Variants in CERS5 observed in about 807,000 individuals in gnomAD.
CERS5 encodes LAG1 homolog, ceramide synthase 5.
In CERS5, 37 loss-of-function variants were observed where a neutral mutation model predicts 58.9. That is an observed-to-expected ratio of 0.63 (90% CI 0.48 to 0.83). The LOEUF (loss-of-function observed/expected upper bound fraction) is 0.83. CERS5 is among the 40% of genes least tolerant of loss of function. CERS5 has a pLI of 0.00. For synonymous variants in CERS5, 147 were observed against 177.8 expected (o/e 0.83, Z 1.38); for missense variants, 398 against 489.3 (o/e 0.81, Z 1.76).
chr12:50,143,889 C>T, intron 2 of CERS5, 63 bp downstream of exon 2: 1 of 1,000,570 alleles, frequency 1.0e-6, no homozygotes, highest in Non-Finnish European at 1.6e-6. Context: ...GCTCTCTATC[C>T]TCCCCTGCCC....
At position 50,148,399 on chromosome 12, in the gene CERS5, C is replaced by T. The variant is rs867783851; in HGVS notation, c.198-4342G>A. ...CTGCTTGAGCTCAGGAGTTCAAGACCAGGCTGGCCAACATGGTGAAACCCC... is the reference window on the plus strand; with the variant it reads ...CTGCTTGAGCTCAGGAGTTCAAGACTAGGCTGGCCAACATGGTGAAACCCC... On this transcript the variant is annotated intron_variant, in intron 1 of 9. Transcript: ENST00000317551. 2.0e-5 allele frequency: 4 copies of T among 200,186 alleles called. No homozygotes were observed. The South Asian group carries it at 2.0e-4, about 10-fold the overall frequency. The allele number at this position is 200,186 out of a possible 1,614,324, so 12.4% of individuals were successfully genotyped here. A position where few individuals can be genotyped will look rare whatever the true frequency, so the allele number is the denominator to read the frequency against.
chr12:50,137,901 A>G, intron 5 of CERS5, 81 bp from the exon 6 acceptor site: 1 of 840,778 alleles, frequency 1.2e-6, no homozygotes, highest in South Asian at 1.4e-5. Context: ...GCCTTGGAGG[A>G]CCAATACCCC....
intron 1 of CERS5, chr12:50,144,583 A>G (rs1165828634): frequency 7.2e-6 from 3 of 416,598 alleles, no homozygotes; most frequent in Non-Finnish European, 8.6e-6. Flanking sequence ...CTTCCTGCAT[A>G]TAGATATCCT....
In CERS5 at chr12:50,143,973, C is replaced by A. The variant is rs199716391; in HGVS notation, c.282G>T (p.Lys94Asn). Residue 94 changes from lysine (K) to asparagine (N), a missense_variant, in exon 2 of 10, where the codon AAG (lysine) becomes AAT (asparagine). Transcript: ENST00000317551. ...TTACCTTGGTAATAGATATGAACAC[C>A]TTTTCAAGGATGGCATTGGGTTGGG... is the stretch of plus-strand genomic sequence containing the variant. ...YQAQPNAILEKVFISITKYPD... is the reference protein window; with the variant it reads ...YQAQPNAILENVFISITKYPD... 138 of 1,608,164 alleles carry A rather than the reference C, an allele frequency of 8.6e-5. No individual in the cohort carries two copies. Among genetic ancestry groups the A allele is most frequent in the Non-Finnish European group, 1.4e-5 (16 of 1,174,842 alleles).
chr12:50,153,788 C>T, intron 1 of CERS5: 1 of 322,968 alleles, frequency 3.1e-6, no homozygotes, highest in Non-Finnish European at 6.2e-6. Flanking sequence ...AACCCCATCT[C>T]CACTAAAAAT....
At chr12:50,165,652 A>C (rs1330724305) in intron 1 of CERS5, 1 of 177,598 alleles carries the variant, frequency 5.6e-6, no homozygotes, top group Non-Finnish European at 1.2e-5. Flanking sequence ...TTGAGTCAAA[A>C]ACAGTAGGCA....
In CERS5 at chr12:50,133,092, A is replaced by G. The variant is rs141952001; in HGVS notation, c.1029+1454T>C. On this transcript the variant is annotated intron_variant, in intron 9 of 9. Coordinates refer to ENST00000317551, the MANE Select transcript of CERS5 (RefSeq NM_147190.5). Reference sequence around the variant, plus strand: ...AGTCAGGAAAGAAAAGCAGGAGAGAACAGAGATGTCCAGTAGCTACAGCAA... The same window carrying G: ...AGTCAGGAAAGAAAAGCAGGAGAGAGCAGAGATGTCCAGTAGCTACAGCAA... The G allele has an allele frequency of 1.4e-5, 18 of 1,287,604 alleles. No individual in the cohort carries two copies. The East Asian group carries it at 8.9e-4, about 64-fold the overall frequency. 79.8% of individuals were successfully genotyped at this position (1,287,604 alleles called of 1,614,324 possible).
At position 50,143,193 on chromosome 12, in the gene CERS5, C is replaced by A; in HGVS notation, c.315G>T (p.Lys105Asn). 1.2e-6 allele frequency: 2 copies of A among 1,614,112 alleles called. No homozygotes were observed. The highest frequency in any genetic ancestry group is 2.2e-5 in the South Asian group (2 of 91,074). ...VFISITKYPDKKRLEGLSKQL... is the reference protein window; with the variant it reads ...VFISITKYPDNKRLEGLSKQL... ...GCTTTGACAGGCCCTCCAGCCTTTT[C>A]TTATCAGGATACTGTGAATGTATAA... The change falls in exon 3 of 10, where the codon AAG becomes AAT. Residue 105 changes from lysine to asparagine, a missense_variant. Lys to Asn is a moderately conservative substitution (Grantham distance 94, BLOSUM62 0). Transcript: ENST00000317551.
In CERS5 at chr12:50,130,464, T is replaced by G; in HGVS notation, c.*81A>C. ...TTGCAGTCTCCCAATCACAGAAGAG[T>G]AGATATGGGAAGGGCCAAGAGGAGT... is the stretch of plus-strand genomic sequence containing the variant. On this transcript the variant is annotated 3_prime_UTR_variant, in exon 10 of 10. Coordinates refer to ENST00000317551, the MANE Select transcript of CERS5 (RefSeq NM_147190.5). 1 of 1,283,798 alleles carries G rather than the reference T, an allele frequency of 7.8e-7. No individual in the cohort carries two copies. The highest frequency in any genetic ancestry group is 1.1e-6 in the Non-Finnish European group (1 of 948,346). 79.5% of individuals were successfully genotyped at this position (1,283,798 alleles called of 1,614,324 possible). A position where few individuals can be genotyped will look rare whatever the true frequency, so the allele number is the denominator to read the frequency against.
At chr12:50,133,251 C>G in intron 9 of CERS5, 1 of 1,078,096 alleles carries the variant, frequency 9.3e-7, no homozygotes, top group Admixed American at 4.2e-5. Flanking sequence ...AGAGCCCCTC[C>G]CACTTGGGAT....
In CERS5 at chr12:50,143,887, T is replaced by G. The variant is rs368058586; in HGVS notation, c.303+65A>C. On this transcript the variant is annotated intron_variant, in intron 2 of 9. Coordinates refer to ENST00000317551, the MANE Select transcript of CERS5 (RefSeq NM_147190.5). The stretch of plus-strand genomic sequence containing the variant: ...TACCCTTAGAGGTACGTGCTCTCTA[T>G]CCTCCCCTGCCCCATGGAGCAACGC... 1.5e-5 allele frequency: 15 copies of G among 978,492 alleles called. No individual in the cohort carries two copies. In the East Asian group the frequency reaches 3.6e-4, roughly 23 times the overall value. The allele number at this position is 978,492 out of a possible 1,614,324, so 60.6% of individuals were successfully genotyped here. A position where few individuals can be genotyped will look rare whatever the true frequency, so the allele number is the denominator to read the frequency against.
intron 4 of CERS5, among the ~76,000 whole-genome samples, chr12:50,139,439 C>T (rs906257305): frequency 6.6e-6 from 1 of 151,960 alleles, no homozygotes; most frequent in Non-Finnish European, 1.5e-5. Flanking sequence ...GCTGTGATCA[C>T]GCAACTGCAC....
Position 50,135,925 on chromosome 12 carries a change from G to C in CERS5, c.765+16C>G. 6.4e-7 allele frequency: 1 copy of C among 1,558,842 alleles called. No homozygotes were observed. Among genetic ancestry groups the C allele is most frequent in the Non-Finnish European group, 8.6e-7 (1 of 1,157,244 alleles). On this transcript the variant is annotated intron_variant, in intron 7 of 9. Transcript: ENST00000317551. ...AAGAGAAGAAGAAGATGGAGAAAGA[G>C]AGATTGGGTTTTTACCTCCAGCAAG...
intron 4 of CERS5, among the ~76,000 whole-genome samples, chr12:50,140,253 A>G (rs1951894180): frequency 6.9e-6 from 1 of 145,296 alleles, no homozygotes; most frequent in South Asian, 2.2e-4. Flanking sequence ...TTTGATCCAC[A>G]GGTTATTGAG....
intron 8 of CERS5, chr12:50,135,416 G>C: frequency 1.8e-6 from 1 of 542,474 alleles, no homozygotes; most frequent in Non-Finnish European, 3.5e-6. Flanking sequence ...CAGTGCAAAA[G>C]AAGTCAAAGG....
rs748732430 is a variant in CERS5, at chr12:50,132,926, T to A, written c.1029+1620A>T. 7 of 1,288,328 alleles carry A rather than the reference T, an allele frequency of 5.4e-6. No individual in the cohort carries two copies. The South Asian group carries it at 8.6e-5, about 16-fold the overall frequency. The allele number at this position is 1,288,328 out of a possible 1,614,324, so 79.8% of individuals were successfully genotyped here. Reference sequence around the variant, plus strand: ...AAAGAGAACCACATTCAGATGGACATGCCTCACTGAATACTAGAAGCACAG... The same window carrying A: ...AAAGAGAACCACATTCAGATGGACAAGCCTCACTGAATACTAGAAGCACAG... On this transcript the variant is annotated intron_variant, in intron 9 of 9. Coordinates refer to ENST00000317551, the MANE Select transcript of CERS5 (RefSeq NM_147190.5).
At chr12:50,145,341 A>AT (rs1483660629) in intron 1 of CERS5, among the ~76,000 whole-genome samples, 1 of 152,028 alleles carries the variant, frequency 6.6e-6, no homozygotes, top group African/African-American at 2.4e-5. Flanking sequence ...GTAATCAGAG[A>AT]TTTTTAAGAA....
intron 7 of CERS5, 25 bp downstream of exon 7, chr12:50,135,916 G>A: frequency 6.4e-7 from 1 of 1,565,114 alleles, no homozygotes; most frequent in African/African-American, 1.4e-5. Context: ...AGAAGAAGAT[G>A]GAGAAAGAGA....
chr12:50,165,792 G>C (rs1939817597), intron 1 of CERS5: 1 of 284,502 alleles, frequency 3.5e-6, no homozygotes, highest in Non-Finnish European at 7.0e-6. Context: ...AAGGCAAAAC[G>C]AACAGATGTC....
Sources: allele counts gnomAD v4.1 joint callset (sites outside exome capture counted in the v4.1 genomes callset), GRCh38; gene constraint gnomAD v4.1.1; transcripts MANE v1.5; gene names NCBI Gene and HGNC (gene_info 2026-07-23, HGNC 2026-07-21).